Variants in VPS37A observed in about 807,000 individuals in gnomAD.
VPS37A encodes vacuolar protein sorting-associated protein 37A.
Under a neutral mutation model 49.8 loss-of-function variants are expected in VPS37A, and 30 were observed. That is an observed-to-expected ratio of 0.60 (90% CI 0.45 to 0.82). VPS37A has a LOEUF of 0.82. VPS37A is among the 40% of genes least tolerant of loss of function. The pLI, the probability that VPS37A is intolerant of heterozygous loss-of-function variation, is 0.00. For synonymous variants in VPS37A, 195 were observed against 160.6 expected, an observed-to-expected ratio of 1.21 and a Z score of -1.62; for missense variants, 593 against 464.4, an observed-to-expected ratio of 1.28 and a Z score of -2.55.
chr8:17,282,039 T>C (rs116692866), intron 9 of VPS37A, among the ~76,000 whole-genome samples: 2,592 of 152,190 alleles, frequency 0.017, 57 homozygotes, highest in African/African-American at 0.058. Context: ...CTTAACAGTT[T>C]ATTCTAAAGT....
chr8:17,304,600 G>A, downstream of VPS37A: 1 of 1,456,142 alleles, frequency 6.9e-7, no homozygotes, highest in Non-Finnish European at 9.4e-7. Flanking sequence ...TGCTGGAAAG[G>A]AACTAATAAT....
At chr8:17,251,528 C>T (rs1229009430) in intron 1 of VPS37A, among the ~76,000 whole-genome samples, 3 of 152,208 alleles carry the variant, frequency 2.0e-5, no homozygotes, top group Non-Finnish European at 4.4e-5. Flanking sequence ...CTATAAGCTT[C>T]TAGCCAGCTT....
chr8:17,256,059 A>G (rs1421602012), intron 1 of VPS37A, among the ~76,000 whole-genome samples: 1 of 151,884 alleles, frequency 6.6e-6, no homozygotes, highest in Non-Finnish European at 1.5e-5. Context: ...CAGTAGCAGA[A>G]TTGCTGAATC....
chr8:17,306,338 T>G (rs1339566055), downstream of VPS37A, among the ~76,000 whole-genome samples: 2 of 151,912 alleles, frequency 1.3e-5, no homozygotes, highest in Non-Finnish European at 2.9e-5. Context: ...ACTTTAAGGC[T>G]CTTCATTTTT....
At chr8:17,320,678 C>G in the VPS37A span, among the ~76,000 whole-genome samples, 1 of 152,250 alleles carries the variant, frequency 6.6e-6, no homozygotes, top group East Asian at 1.9e-4. Flanking sequence ...CGAGTTAAAA[C>G]TGAGCAAGCT....
chr8:17,333,101 T>G, the VPS37A span, among the ~76,000 whole-genome samples: 1 of 152,162 alleles, frequency 6.6e-6, no homozygotes, highest in Non-Finnish European at 1.5e-5. Context: ...CACATTTCAA[T>G]AGCAGCCCTG....
chr8:17,263,839 G>A (rs1237172209), intron 1 of VPS37A, among the ~76,000 whole-genome samples: 1 of 152,080 alleles, frequency 6.6e-6, no homozygotes, highest in Non-Finnish European at 1.5e-5. Flanking sequence ...TACTCATGAG[G>A]CTGAGGCAAG....
intron 4 of VPS37A, among the ~76,000 whole-genome samples, chr8:17,271,811 G>A (rs1814019546): frequency 1.3e-5 from 2 of 152,094 alleles, no homozygotes; most frequent in Non-Finnish European, 2.9e-5. Flanking sequence ...CTCTTCCAGA[G>A]GTGTTAACAA....
At chr8:17,333,258 A>G in the VPS37A span, among the ~76,000 whole-genome samples, 1 of 152,216 alleles carries the variant, frequency 6.6e-6, no homozygotes, top group Admixed American at 6.5e-5. Flanking sequence ...TATTAAAATA[A>G]TGCATTTTAA....
chr8:17,310,919 T>C, the VPS37A span, among the ~76,000 whole-genome samples: 1 of 152,166 alleles, frequency 6.6e-6, no homozygotes, highest in Non-Finnish European at 1.5e-5. Flanking sequence ...CTATATACAA[T>C]ACTCTGTAGT....
intron 9 of VPS37A, 23 bp downstream of exon 9, chr8:17,280,466 C>G (rs200298605): frequency 4.6e-5 from 72 of 1,573,756 alleles, no homozygotes; most frequent in African/African-American, 8.3e-5. Flanking sequence ...ATTTTTTTCC[C>G]TTTGCCATAG....
At chr8:17,269,258 C>A (rs183547264) in intron 4 of VPS37A, among the ~76,000 whole-genome samples, 106 of 152,254 alleles carry the variant, frequency 7.0e-4, no homozygotes, top group African/African-American at 2.5e-3. Context: ...AACTTCCTTT[C>A]TCCTCACTGT....
chr8:17,325,333 C>A, the VPS37A span, among the ~76,000 whole-genome samples: 1 of 152,280 alleles, frequency 6.6e-6, no homozygotes, highest in East Asian at 1.9e-4. Flanking sequence ...CCATCCTTTC[C>A]ACACCGAATG....
chr8:17,247,797 T>TG (rs1345063790), intron 1 of VPS37A: 1 of 702,216 alleles, frequency 1.4e-6, no homozygotes, highest in Non-Finnish European at 2.6e-6. Flanking sequence ...ATAGAACTGT[T>TG]GCAACATCAA....
At chr8:17,256,858 G>C (rs1585934366) in intron 1 of VPS37A, among the ~76,000 whole-genome samples, 1 of 152,004 alleles carries the variant, frequency 6.6e-6, no homozygotes, top group African/African-American at 2.4e-5. Context: ...CTCCATGTTG[G>C]TCAGGCTGGT....
chr8:17,280,524 A>G, intron 9 of VPS37A, 81 bp downstream of exon 9: 1 of 1,300,324 alleles, frequency 7.7e-7, no homozygotes, highest in Non-Finnish European at 1.1e-6. Flanking sequence ...CACTTTCATT[A>G]TCATCAGAAA....
intron 11 of VPS37A, among the ~76,000 whole-genome samples, chr8:17,288,019 T>G (rs1481348331): frequency 6.6e-6 from 1 of 152,188 alleles, no homozygotes; most frequent in African/African-American, 2.4e-5. Context: ...GTAACATTAG[T>G]GCTCACAATG....
intron 1 of VPS37A, among the ~76,000 whole-genome samples, chr8:17,263,755 C>T (rs1450507618): frequency 6.6e-6 from 1 of 152,096 alleles, no homozygotes; most frequent in Non-Finnish European, 1.5e-5. Context: ...ACCAGCCTAG[C>T]CAGCATGGTG....
chr8:17,313,304 G>A, the VPS37A span: 1 of 1,610,810 alleles, frequency 6.2e-7, no homozygotes, highest in Non-Finnish European at 8.5e-7. Context: ...TTGCAATGAA[G>A]ATTCCTGCAT....
Sources: allele counts gnomAD v4.1 joint callset (sites outside exome capture counted in the v4.1 genomes callset), GRCh38; gene constraint gnomAD v4.1.1; transcripts MANE v1.5; gene names NCBI Gene and HGNC (gene_info 2026-07-23, HGNC 2026-07-21).